The following CHD1L variants were observed in gnomAD, a reference collection of about 807,000 sequenced individuals.
CHD1L encodes the protein ATP-dependent chromatin remodeler CHD1L.
In CHD1L, 118 loss-of-function variants were observed where a neutral mutation model predicts 115.9. That is an observed-to-expected ratio of 1.02 (90% CI 0.88 to 1.19). The LOEUF is 1.19. CHD1L is among the 50% of genes most tolerant of loss of function. CHD1L has a pLI of 0.00. For missense variants in CHD1L, 1,179 were observed against 1,065.3 expected (o/e 1.11, Z -1.49); for synonymous variants, 411 against 387.1 (o/e 1.06, Z -0.72).
chr1:147,201,221 T>A, the CHD1L span: 1 of 1,614,168 alleles, frequency 6.2e-7, no homozygotes. Context: ...AAGGGCTGAA[T>A]CAAGCCTATG....
chr1:147,212,667 T>G, the CHD1L span: 2 of 829,714 alleles, frequency 2.4e-6, no homozygotes, highest in Non-Finnish European at 3.7e-6. Context: ...TCAGCTACTT[T>G]CTTGCCTTTC....
rs782476079 is a variant in CHD1L at position 147,276,255 on chromosome 1, C to T, written c.1537C>T (p.Gln513Ter). 3 of 1,614,092 alleles carry T rather than the reference C, an allele frequency of 1.9e-6. No individual in the cohort carries two copies. The highest frequency in any genetic ancestry group is 1.7e-6 in the Non-Finnish European group (2 of 1,179,974). Reference sequence around the variant, plus strand: ...GAAACCCGCTGCCGATGCTGACCTCCAGGTATGATATGATATACTGTTCTT... The same window carrying T: ...GAAACCCGCTGCCGATGCTGACCTCTAGGTATGATATGATATACTGTTCTT... ...AQKPAADADL[Q>*]LSEILKFGLD... The change falls in exon 14 of 23, where the codon CAG (glutamine) becomes TAG (stop). Residue 513 changes from glutamine (Q) to a stop codon, truncating the protein, a stop_gained and splice_region_variant. Transcript: ENST00000369258. LOFTEE classifies it high-confidence loss of function.
the CHD1L span, chr1:147,208,412 A>G: frequency 6.6e-6 from 1 of 151,918 alleles, no homozygotes; most frequent in South Asian, 2.1e-4. Context: ...TTCAGATTCT[A>G]TGAGTCTATA....
chr1:147,235,087 CTGTGTGTGTGTGTGTGTGTG>C, the CHD1L span, among the ~76,000 whole-genome samples: 1 of 146,080 alleles, frequency 6.8e-6, no homozygotes, highest in South Asian at 2.3e-4. Context: ...ATATCCCACA[CTGTGTGTGTGTGTGTGTGTG>C]TGTGTGTGTG....
At chr1:147,242,310 G>A (rs1313129695), upstream of CHD1L, among the ~76,000 whole-genome samples, 2 of 152,136 alleles carry the variant, frequency 1.3e-5, no homozygotes, top group East Asian at 1.9e-4. Context: ...TGGAGGGCAC[G>A]GAACAAGTCT....
At chr1:147,222,548 G>A in the CHD1L span, among the ~76,000 whole-genome samples, 1 of 152,172 alleles carries the variant, frequency 6.6e-6, no homozygotes, top group Non-Finnish European at 1.5e-5. Context: ...TCTTTGAACT[G>A]TTGTCTGCAC....
the CHD1L span, chr1:147,225,802 G>A: frequency 0.49 from 75,126 of 152,146 alleles, 19,467 homozygotes; most frequent in East Asian, 0.87. Flanking sequence ...CCGAATTAAA[G>A]AAGGAAGAGG....
At chr1:147,229,069 C>G in the CHD1L span, among the ~76,000 whole-genome samples, 3 of 152,174 alleles carry the variant, frequency 2.0e-5, no homozygotes. Flanking sequence ...GTGTTTTAGA[C>G]ATGAAGTCCT....
intron 2 of CHD1L, 143 bp from the exon 3 acceptor site, chr1:147,254,727 T>C (rs1669513074): frequency 2.0e-6 from 1 of 508,056 alleles, no homozygotes; most frequent in African/African-American, 1.9e-5. Flanking sequence ...ATTACTCCCC[T>C]GATATGCGGA....
chr1:147,272,129 T>TA (rs782612917), intron 11 of CHD1L, 42 bp from the exon 12 acceptor site: 54 of 1,546,380 alleles, frequency 3.5e-5, no homozygotes, highest in Middle Eastern at 3.4e-4. Flanking sequence ...AAAGACTACT[T>TA]GAAAAGGGTT....
the CHD1L span, chr1:147,186,174 A>T: frequency 4.5e-6 from 1 of 224,238 alleles, no homozygotes; most frequent in Non-Finnish European, 7.5e-6. Context: ...AAAAGGTAGG[A>T]CAGCTAATTT....
Position 147,255,973 on chromosome 1 carries a change from T to C in CHD1L, c.462+46T>C, listed in dbSNP as rs187750024. The C allele has an allele frequency of 2.8e-4, 366 of 1,298,004 alleles. 2 individuals are homozygous for C. In the Middle Eastern group the frequency reaches 4.9e-3, roughly 17 times the overall value. The allele number at this position is 1,298,004 out of a possible 1,614,324, so 80.4% of individuals were successfully genotyped here. ...AGCGAGAACTCCTAACCTGTGACCT[T>C]AGAAGTTGTAGAGTCTGCTGAAATT... On this transcript the variant is annotated intron_variant, in intron 4 of 22. Transcript: ENST00000369258.
chr1:147,259,907 A>C lies in CHD1L; in HGVS notation c.565A>C (p.Thr189Pro). Reference sequence around the variant, plus strand: ...AAACCAAAGCTCCCTGCTGCATAAGACCTTGTCAGAGGTAAACTTACAGTG... The same window carrying C: ...AAACCAAAGCTCCCTGCTGCATAAGCCCTTGTCAGAGGTAAACTTACAGTG... ...LKNQSSLLHK[T>P]LSEFSVVFSL... Residue 189 changes from threonine to proline, a missense_variant, in exon 6 of 23, where the codon ACC becomes CCC. Thr to Pro is a conservative substitution (Grantham distance 38). Coordinates refer to ENST00000369258, the MANE Select transcript of CHD1L (RefSeq NM_004284.6). 1 of 1,613,270 alleles carries C rather than the reference A, an allele frequency of 6.2e-7. No homozygotes were observed.
the CHD1L span, among the ~76,000 whole-genome samples, chr1:147,213,682 G>A: frequency 6.6e-6 from 1 of 152,188 alleles, no homozygotes. Flanking sequence ...AGTGTTGGCA[G>A]GCTAATGTAC....
chr1:147,280,438 A>G (rs1213668529), intron 15 of CHD1L, among the ~76,000 whole-genome samples: 5 of 152,204 alleles, frequency 3.3e-5, no homozygotes, highest in African/African-American at 1.2e-4. Context: ...TTATGATAGT[A>G]TCAATCTTAA....
the CHD1L span, among the ~76,000 whole-genome samples, chr1:147,232,703 G>A: frequency 6.6e-6 from 1 of 152,142 alleles, no homozygotes; most frequent in Non-Finnish European, 1.5e-5. Context: ...GTTTCGCTGT[G>A]TTGGCCGGGC....
At position 147,261,401 on chromosome 1, in the gene CHD1L, C is replaced by CTTTTTTT. The variant is rs201084245; in HGVS notation, c.576+1489_576+1495dup. Among the ~76,000 whole-genome samples the CTTTTTTT allele has an allele frequency of 1.4e-3, 178 of 129,034 alleles. 1 individual carries two copies. The highest frequency in any genetic ancestry group is 6.1e-3 in the South Asian group (26 of 4,238). 84.7% of individuals were successfully genotyped at this position (129,034 alleles called of 152,430 possible). A position where few individuals can be genotyped will look rare whatever the true frequency, so the allele number is the denominator to read the frequency against. ...CAAGCTATCCAAATGCTGCATGACA[C>CTTTTTTT]TTTTTTTTTTTTATATATAAAGGCC... is the stretch of plus-strand genomic sequence containing the variant. On this transcript the variant is annotated intron_variant, in intron 6 of 22. Coordinates refer to ENST00000369258, the MANE Select transcript of CHD1L (RefSeq NM_004284.6).
the CHD1L span, among the ~76,000 whole-genome samples, chr1:147,235,057 T>C: frequency 6.6e-6 from 1 of 150,974 alleles, no homozygotes; most frequent in African/African-American, 2.4e-5. Flanking sequence ...CAAAGCTGGT[T>C]AGAGCCCACC....
In CHD1L at chr1:147,255,850, G is replaced by C; in HGVS notation, c.385G>C (p.Asp129His). ...TCTTTCCTGTGTAACATATGCAGGC[G>C]ACAAGGAGGAAAGAGCCTGCCTTCA... ...PGLSCVTYAGDKEERACLQQD... is the reference protein window; with the variant it reads ...PGLSCVTYAGHKEERACLQQD... The change falls in exon 4 of 23, where the codon GAC becomes CAC. Residue 129 changes from aspartate (D) to histidine (H), a missense_variant. By Grantham distance (81) the Asp-to-His change is moderately conservative. Coordinates refer to ENST00000369258, the MANE Select transcript of CHD1L (RefSeq NM_004284.6). 1 of 1,613,636 alleles carries C rather than the reference G, an allele frequency of 6.2e-7. No individual in the cohort carries two copies. The highest frequency in any genetic ancestry group is 8.5e-7 in the Non-Finnish European group (1 of 1,179,746).
Sources: gnomAD v4.1 joint callset for allele counts (sites outside exome capture counted in the v4.1 genomes callset) on GRCh38, gnomAD v4.1.1 for gene constraint, MANE v1.5 for transcripts, NCBI Gene and HGNC (gene_info 2026-07-23, HGNC 2026-07-21) for gene names.